PCDHGB1: variants seen among roughly 807,000 people sequenced by gnomAD.
PCDHGB1 encodes the protein protocadherin gamma-B1.
A neutral mutation model predicts 56.6 loss-of-function variants in PCDHGB1; 34 were observed. That is an observed-to-expected ratio of 0.60 (90% CI 0.46 to 0.80). The LOEUF is 0.80. PCDHGB1 is among the 30% of genes least tolerant of loss of function. PCDHGB1 has a pLI of 0.00. For synonymous variants in PCDHGB1, 561 were observed against 505.9 expected, an observed-to-expected ratio of 1.11 and a Z score of -1.46; for missense variants, 1,278 against 1,204.6, an observed-to-expected ratio of 1.06 and a Z score of -0.90.
At chr5:141,479,620 G>A (rs2099501211) in intron 1 of PCDHGB1, 2 of 152,192 alleles carry the variant, frequency 1.3e-5, no homozygotes, top group African/African-American at 4.8e-5. Context: ...GGGAAACCAT[G>A]TCTCTTTAAC....
chr5:141,412,983 G>A (rs1372992044), intron 1 of PCDHGB1: 1 of 557,334 alleles, frequency 1.8e-6, no homozygotes, highest in Admixed American at 3.6e-5. Context: ...CGCAGCCAGA[G>A]CTCAATCCGG....
chr5:141,410,822 A>T (rs2095425246), intron 1 of PCDHGB1: 1 of 461,414 alleles, frequency 2.2e-6, no homozygotes, highest in Non-Finnish European at 3.6e-6. Flanking sequence ...AAATAATGTC[A>T]CCAGACTGAA....
chr5:141,389,581 G>C, intron 1 of PCDHGB1: 1 of 1,613,202 alleles, frequency 6.2e-7, no homozygotes, highest in East Asian at 2.2e-5. Context: ...CCCGCGCTGG[G>C]TCCCGACGGC....
Position 141,489,465 on chromosome 5 carries a change from T to C in PCDHGB1, c.2410-5342T>C. On this transcript the variant is annotated intron_variant, in intron 1 of 3. Transcript: ENST00000523390. The surrounding 1 kb of genome is among the most constrained non-coding windows in gnomAD (Gnocchi z 4.5). The stretch of plus-strand genomic sequence containing the variant: ...GCTCTGAGGAGAATGGGCGCTATTT[T>C]TCCCTGAGCTTGATGAGTGGTGCCC... The C allele has an allele frequency of 1.2e-6, 2 of 1,614,082 alleles. No homozygotes were observed. The highest frequency in any genetic ancestry group is 1.3e-5 in the African/African-American group (1 of 75,042).
intron 1 of PCDHGB1, among the ~76,000 whole-genome samples, chr5:141,461,253 C>A (rs1358900194): frequency 6.6e-6 from 1 of 152,108 alleles, no homozygotes; most frequent in Non-Finnish European, 1.5e-5. Flanking sequence ...ATATTCCCAG[C>A]AGCAATGTGT....
intron 1 of PCDHGB1, among the ~76,000 whole-genome samples, chr5:141,438,615 TATATATATATATATATATATACACACAC>T (rs2098021754): frequency 1.1e-4 from 4 of 35,920 alleles, no homozygotes; most frequent in Non-Finnish European, 1.8e-4. Flanking sequence ...TATATATATA[TATATATATATATATATATATACACACAC>T]ACACACACAT....
Position 141,431,706 on chromosome 5 carries a change from A to T in PCDHGB1, c.2410-63101A>T. The T allele has an allele frequency of 6.2e-7, 1 of 1,614,248 alleles. No homozygotes were observed. The highest frequency in any genetic ancestry group is 8.5e-7 in the Non-Finnish European group (1 of 1,180,048). On this transcript the variant is annotated intron_variant, in intron 1 of 3. Coordinates refer to ENST00000523390, the MANE Select transcript of PCDHGB1 (RefSeq NM_018922.3). The surrounding 1 kb of genome is among the most constrained non-coding windows in gnomAD (Gnocchi z 4.8). ...GACCACGAGGAGTCAGGATTCTACC[A>T]GATGGAAGTGCAAGCAATGGATAAT...
chr5:141,423,708 T>A (rs1384948123), intron 1 of PCDHGB1: 23 of 1,349,902 alleles, frequency 1.7e-5, no homozygotes, highest in Non-Finnish European at 2.2e-5. Flanking sequence ...TTGGCACAAG[T>A]CTTTTAAGGA....
intron 1 of PCDHGB1, among the ~76,000 whole-genome samples, chr5:141,470,151 CT>C (rs746135943): frequency 7.2e-5 from 11 of 152,164 alleles, no homozygotes; most frequent in Non-Finnish European, 1.6e-4. Flanking sequence ...CATAGATCAT[CT>C]TATCAAATCA....
intron 1 of PCDHGB1, chr5:141,400,330 G>A (rs2094004189): frequency 6.2e-7 from 1 of 1,614,082 alleles, no homozygotes; most frequent in Admixed American, 1.7e-5. Flanking sequence ...TGGACCTGTG[G>A]TTCCCCCCAA....
chr5:141,370,836 A>G, intron 1 of PCDHGB1: 1 of 1,614,018 alleles, frequency 6.2e-7, no homozygotes, highest in Non-Finnish European at 8.5e-7. Context: ...ACTGGCTCTC[A>G]CTGGAGCCAC....
chr5:141,430,919 C>T, intron 1 of PCDHGB1: 1 of 1,607,610 alleles, frequency 6.2e-7, no homozygotes, highest in Non-Finnish European at 8.5e-7. Context: ...GGACCTGGGG[C>T]TGGAGCCCCG....
In PCDHGB1 at chr5:141,351,929, C is replaced by A; in HGVS notation, c.1669C>A (p.Arg557=). 6.2e-7 allele frequency: 1 copy of A among 1,613,302 alleles called. No homozygotes were observed. Among genetic ancestry groups the A allele is most frequent in the Non-Finnish European group, 8.5e-7 (1 of 1,179,752 alleles). The change falls in exon 1 of 4, where the codon CGG becomes AGG. Residue 557 remains arginine (R), a synonymous_variant. Transcript: ENST00000523390. ...GGGCGACCTCAATGACAATGCGCCA[C>A]GGGTGCTGTACCCCGCGCTGGGGCC... ...LVGDLNDNAP[R]VLYPALGPDG... is the part of the protein sequence containing the mutation.
At chr5:141,370,393 G>T (rs1277471352) in intron 1 of PCDHGB1, 14 of 1,547,032 alleles carry the variant, frequency 9.0e-6, no homozygotes, top group Non-Finnish European at 1.2e-5. Context: ...GCAGAGAGCG[G>T]GATGGGAAAT....
At chr5:141,408,313 T>A (rs375849626) in intron 1 of PCDHGB1, 28 of 1,613,640 alleles carry the variant, frequency 1.7e-5, no homozygotes, top group Non-Finnish European at 2.0e-5. Flanking sequence ...GCTACTCGAT[T>A]CCGGAGGAGC....
intron 1 of PCDHGB1, chr5:141,364,284 C>G: frequency 6.6e-7 from 1 of 1,517,046 alleles, no homozygotes; most frequent in South Asian, 1.4e-5. Context: ...AATAAGGAAA[C>G]AGCAGGCTGA....
At position 141,432,724 on chromosome 5, in the gene PCDHGB1, C is replaced by T. The variant is rs752394602; in HGVS notation, c.2410-62083C>T. ...AGGACCACGGCCAGCCCCCTCTCTCCGCCACTGTCACGCTCACCGTGGCCG... is the reference window on the plus strand; with the variant it reads ...AGGACCACGGCCAGCCCCCTCTCTCTGCCACTGTCACGCTCACCGTGGCCG... On this transcript the variant is annotated intron_variant, in intron 1 of 3. Coordinates refer to ENST00000523390, the MANE Select transcript of PCDHGB1 (RefSeq NM_018922.3). The surrounding 1 kb of genome is among the most constrained non-coding windows in gnomAD (Gnocchi z 6.0). The T allele has an allele frequency of 8.1e-6, 13 of 1,614,066 alleles. No individual in the cohort carries two copies. Among genetic ancestry groups the T allele is most frequent in the Middle Eastern group, 1.6e-4 (1 of 6,062 alleles).
In PCDHGB1 at chr5:141,489,750, C is replaced by A. The variant is rs753217170; in HGVS notation, c.2410-5057C>A. 1 of 1,614,098 alleles carries A rather than the reference C, an allele frequency of 6.2e-7. No individual in the cohort carries two copies. The highest frequency in any genetic ancestry group is 1.1e-5 in the South Asian group (1 of 91,080). Reference sequence around the variant, plus strand: ...TGGGCACCAATACTGTGAGCTTTTACACTCTAAGCCCCAACAGCCACTTCT... The same window carrying A: ...TGGGCACCAATACTGTGAGCTTTTAAACTCTAAGCCCCAACAGCCACTTCT... On this transcript the variant is annotated intron_variant, in intron 1 of 3. Coordinates refer to ENST00000523390, the MANE Select transcript of PCDHGB1 (RefSeq NM_018922.3). This position sits in a 1 kb window ranked among gnomAD's most constrained non-coding sequence, Gnocchi z 4.5.
rs773174763 is a variant in PCDHGB1 at position 141,477,409 on chromosome 5, C to T, written c.2410-17398C>T. The T allele has an allele frequency of 1.4e-5, 22 of 1,614,058 alleles. No homozygotes were observed. The highest frequency in any genetic ancestry group is 1.7e-5 in the Admixed American group (1 of 60,006). On this transcript the variant is annotated intron_variant, in intron 1 of 3. Transcript: ENST00000523390. This position sits in a 1 kb window ranked among gnomAD's most constrained non-coding sequence, Gnocchi z 4.9. ...ACAACCTCAGCATCACCGCCCGAGA[C>T]GCCGGAACCCCTTCCCTCTCAGCCC...
Sources: allele counts gnomAD v4.1 joint callset (sites outside exome capture counted in the v4.1 genomes callset), GRCh38; gene constraint gnomAD v4.1.1; non-coding constraint Gnocchi (gnomAD v3.1); transcripts MANE v1.5; gene names NCBI Gene and HGNC (gene_info 2026-07-23, HGNC 2026-07-21).